The following KANK4 variants were observed in gnomAD, a reference collection of about 807,000 sequenced individuals.
The protein encoded by KANK4 is KN motif and ankyrin repeat domain-containing protein 4.
In KANK4, 50 loss-of-function variants were observed where a neutral mutation model predicts 80.8. The ratio of observed to expected loss-of-function variants is 0.62; its 90% confidence interval spans 0.49 to 0.78. The LOEUF (loss-of-function observed/expected upper bound fraction) is 0.78, where lower values mean the gene tolerates loss of function less well. Ranked by LOEUF, KANK4 falls within the 30% of genes least tolerant of loss-of-function variation. The probability of loss-of-function intolerance (pLI) is 0.00; values close to 1 mark genes in which losing one functional copy is unlikely to be tolerated. For synonymous variants in KANK4, 465 were observed against 506.9 expected (o/e 0.92, Z 1.11); for missense variants, 1,196 against 1,240.1 (o/e 0.96, Z 0.53).
chr1:62,277,977 C>G (rs922159195), intron 2 of KANK4, among the ~76,000 whole-genome samples: 2 of 152,108 alleles, frequency 1.3e-5, no homozygotes, highest in African/African-American at 4.8e-5. Context: ...TCTATAAATG[C>G]AGCTGATATG....
intron 2 of KANK4, among the ~76,000 whole-genome samples, chr1:62,278,531 T>C (rs1301654332): frequency 6.6e-6 from 1 of 150,936 alleles, no homozygotes; most frequent in Non-Finnish European, 1.5e-5. Flanking sequence ...TAGCTGGGAT[T>C]ACAGGTGCGT....
chr1:62,296,679 G>A (rs759549181), intron 1 of KANK4, among the ~76,000 whole-genome samples: 10 of 152,012 alleles, frequency 6.6e-5, no homozygotes, highest in Admixed American at 2.0e-4. Context: ...AGTCTCCTGA[G>A]TAGCTGGGAC....
At chr1:62,303,957 T>C (rs993446851) in intron 1 of KANK4, among the ~76,000 whole-genome samples, 4 of 152,042 alleles carry the variant, frequency 2.6e-5, no homozygotes, top group Non-Finnish European at 5.9e-5. Flanking sequence ...CACTGGAACT[T>C]CCGTCTCCCA....
intron 7 of KANK4, 99 bp from the exon 8 acceptor site, chr1:62,253,308 G>A: frequency 1.7e-6 from 2 of 1,155,888 alleles, no homozygotes; most frequent in Non-Finnish European, 2.4e-6. Context: ...TGGTTAGAAA[G>A]CCATGGACTA....
Position 62,274,462 on chromosome 1 carries a change from G to GT in KANK4, c.641dup (p.His214GlnfsTer20). 1 of 1,614,222 alleles carries GT rather than the reference G, an allele frequency of 6.2e-7. No individual in the cohort carries two copies. Among genetic ancestry groups the GT allele is most frequent in the Non-Finnish European group, 8.5e-7 (1 of 1,180,046 alleles). On this transcript the variant is annotated frameshift_variant, in exon 3 of 10. Transcript: ENST00000371153. LOFTEE classifies it high-confidence loss of function. ...GAGTTGATGCTCGTGGGCTGGAGCT[G>GT]TGGAAACCTGCCAATCCTTCTGCAG... is the stretch of plus-strand genomic sequence containing the variant.
Position 62,238,301 on chromosome 1 carries a change from C to T in KANK4, c.2964G>A (p.Glu988=). 6.2e-7 allele frequency: 1 copy of T among 1,613,966 alleles called. No homozygotes were observed. The highest frequency in any genetic ancestry group is 8.5e-7 in the Non-Finnish European group (1 of 1,179,852). Residue 988 remains glutamate, a synonymous_variant, in exon 10 of 10, where the codon GAG becomes GAA. Coordinates refer to ENST00000371153, the MANE Select transcript of KANK4 (RefSeq NM_181712.5). ...CCTACAGCCCCAGGGACCTGCCCTGCTCCGCGTGGGCTCTCAGAAGCCCAG... is the reference window on the plus strand; with the variant it reads ...CCTACAGCCCCAGGGACCTGCCCTGTTCCGCGTGGGCTCTCAGAAGCCCAG... ...EIAGLLRAHA[E]QGRSLGL is the part of the protein sequence containing the mutation.
At chr1:62,293,235 G>T (rs1672722329) in intron 1 of KANK4, among the ~76,000 whole-genome samples, 1 of 145,694 alleles carries the variant, frequency 6.9e-6, no homozygotes, top group East Asian at 2.1e-4. Context: ...TTACAGGCAT[G>T]CACCACCACA....
chr1:62,287,049 G>A (rs1166987868), intron 1 of KANK4, among the ~76,000 whole-genome samples: 2 of 152,318 alleles, frequency 1.3e-5, no homozygotes, highest in East Asian at 3.9e-4. Context: ...CCGAGAGGCG[G>A]GGTGCAGGAG....
chr1:62,247,431 T>G, intron 9 of KANK4, 41 bp downstream of exon 9: 1 of 1,588,828 alleles, frequency 6.3e-7, no homozygotes, highest in Non-Finnish European at 8.6e-7. Context: ...TGAGCCACCC[T>G]GCCCAGCAAC....
Position 62,273,233 on chromosome 1 carries a change from G to A in KANK4, c.1871C>T (p.Pro624Leu), listed in dbSNP as rs562463605. ...YSAQAHPPKE[P>L]PASSSSPPVE... ...TGGCGGGGAGGAGGAGGAGGCCGGT[G>A]GCTCCTTGGGTGGGTGAGCCTGGGC... Residue 624 changes from proline to leucine, a missense_variant, in exon 3 of 10, where the codon CCA becomes CTA. By Grantham distance (98) the Pro-to-Leu change is moderately conservative. Around this residue, in one of 3 missense-constraint regions of KANK4, gnomAD observed 1,154 missense variants for 1,179.6 expected, o/e 0.98. Coordinates refer to ENST00000371153, the MANE Select transcript of KANK4 (RefSeq NM_181712.5). The A allele has an allele frequency of 9.2e-6, 14 of 1,518,152 alleles. No individual in the cohort carries two copies. Among genetic ancestry groups the A allele is most frequent in the East Asian group, 9.2e-5 (4 of 43,704 alleles). 94.0% of individuals were successfully genotyped at this position (1,518,152 alleles called of 1,614,324 possible). A position where few individuals can be genotyped will look rare whatever the true frequency, so the allele number is the denominator to read the frequency against.
intron 1 of KANK4, among the ~76,000 whole-genome samples, chr1:62,303,827 C>T (rs1349735326): frequency 6.6e-6 from 1 of 151,700 alleles, no homozygotes. Flanking sequence ...TTTTTATTTT[C>T]TTTAATGTAC....
At chr1:62,276,125 C>T (rs1275318242) in intron 2 of KANK4, among the ~76,000 whole-genome samples, 3 of 152,094 alleles carry the variant, frequency 2.0e-5, no homozygotes, top group Admixed American at 2.0e-4. Context: ...ACCAAGGTTC[C>T]AGGATCTCCT....
At chr1:62,312,539 C>T (rs2149174222) in intron 1 of KANK4, among the ~76,000 whole-genome samples, 1 of 152,320 alleles carries the variant, frequency 6.6e-6, no homozygotes, top group Middle Eastern at 3.4e-3. Flanking sequence ...TTCCAGCTCA[C>T]CCTTCTCTCC....
At chr1:62,264,646 T>C (rs2365989) in intron 6 of KANK4, among the ~76,000 whole-genome samples, 1 of 152,178 alleles carries the variant, frequency 6.6e-6, no homozygotes, top group Non-Finnish European at 1.5e-5. Context: ...ATGGGTGTGG[T>C]GCCGGGCTTG....
At chr1:62,293,373 G>C (rs1434903586) in intron 1 of KANK4, among the ~76,000 whole-genome samples, 1 of 152,082 alleles carries the variant, frequency 6.6e-6, no homozygotes, top group East Asian at 1.9e-4. Context: ...GGGATTACAG[G>C]TGTGAGCCAC....
At chr1:62,269,598 A>G (rs1003551875) in intron 4 of KANK4, among the ~76,000 whole-genome samples, 4 of 152,146 alleles carry the variant, frequency 2.6e-5, no homozygotes, top group Non-Finnish European at 4.4e-5. Context: ...TTCCATAAAA[A>G]CTTTGCCTGG....
At chr1:62,257,938 C>T (rs1463726076) in intron 7 of KANK4, among the ~76,000 whole-genome samples, 1 of 152,140 alleles carries the variant, frequency 6.6e-6, no homozygotes, top group Admixed American at 6.5e-5. Flanking sequence ...TTCTAACAGG[C>T]TACAAGACTG....
chr1:62,290,921 T>TC (rs60018536), intron 1 of KANK4, among the ~76,000 whole-genome samples: 1 of 151,862 alleles, frequency 6.6e-6, no homozygotes, highest in Non-Finnish European at 1.5e-5. Flanking sequence ...ATTTTTTTTT[T>TC]CTGTATTTTT....
intron 6 of KANK4, among the ~76,000 whole-genome samples, chr1:62,265,517 C>T (rs3861935): frequency 0.014 from 2,133 of 152,340 alleles, 30 homozygotes; most frequent in Middle Eastern, 0.024. Context: ...ACTGGGATTA[C>T]AGGCGTGAGA....
Sources: allele counts gnomAD v4.1 joint callset (sites outside exome capture counted in the v4.1 genomes callset), GRCh38; gene constraint gnomAD v4.1.1; regional missense constraint gnomAD v4.1.1; transcripts MANE v1.5; gene names NCBI Gene and HGNC (gene_info 2026-07-23, HGNC 2026-07-21).